PHLPP1: variants seen among roughly 807,000 people sequenced by gnomAD.
PHLPP1 encodes PH domain and leucine rich repeat protein phosphatase 1.
A neutral mutation model predicts 117.2 loss-of-function variants in PHLPP1; 42 were observed. The ratio of observed to expected loss-of-function variants is 0.36; its 90% CI spans 0.28 to 0.46. PHLPP1 has a LOEUF of 0.46. PHLPP1 is among the 20% of genes least tolerant of loss of function. The pLI, the probability that PHLPP1 is intolerant of heterozygous loss-of-function variation, is 1.00. For missense variants in PHLPP1, 2,084 were observed against 2,241.9 expected (o/e 0.93, Z 1.42); for synonymous variants, 1,042 against 970.7 (o/e 1.07, Z -1.37).
intron 1 of PHLPP1, among the ~76,000 whole-genome samples, chr18:62,817,750 A>G (rs1365051811): frequency 6.6e-6 from 1 of 152,314 alleles, no homozygotes; most frequent in African/African-American, 2.4e-5. Flanking sequence ...TATGCTAAGA[A>G]GCATAATTAA....
At chr18:62,945,384 C>A in intron 12 of PHLPP1, 113 bp downstream of exon 12, 1 of 789,958 alleles carries the variant, frequency 1.3e-6, no homozygotes, top group Non-Finnish European at 1.9e-6. Flanking sequence ...AGAATGAAGG[C>A]CCCCATTAGC....
intron 1 of PHLPP1, among the ~76,000 whole-genome samples, chr18:62,786,063 G>A (rs1913274484): frequency 6.6e-6 from 1 of 152,160 alleles, no homozygotes. Context: ...ATAGCCTCTA[G>A]TGTGGTCCCT....
chr18:62,832,965 T>A (rs1382673786), intron 2 of PHLPP1, among the ~76,000 whole-genome samples: 3 of 152,222 alleles, frequency 2.0e-5, no homozygotes. Flanking sequence ...AATAAAACTC[T>A]CAAAATTTAG....
At chr18:62,879,270 CTGCTCTTCT>C (rs1916117400) in intron 4 of PHLPP1, among the ~76,000 whole-genome samples, 1 of 152,222 alleles carries the variant, frequency 6.6e-6, no homozygotes, top group African/African-American at 2.4e-5. Context: ...CTTGCTCTTA[CTGCTCTTCT>C]GCCATGGGAT....
chr18:62,772,960 C>A (rs1463173231), intron 1 of PHLPP1, among the ~76,000 whole-genome samples: 1 of 151,800 alleles, frequency 6.6e-6, no homozygotes, highest in African/African-American at 2.4e-5. Flanking sequence ...CTCTCCCACC[C>A]CCCCAAAAAA....
chr18:62,776,673 G>A (rs940299347), intron 1 of PHLPP1, among the ~76,000 whole-genome samples: 5 of 149,770 alleles, frequency 3.3e-5, no homozygotes, highest in African/African-American at 1.2e-4. Context: ...GCAGTGGTGT[G>A]ATCTCAGCTC....
chr18:62,900,301 T>TA (rs1358226794), intron 6 of PHLPP1, among the ~76,000 whole-genome samples: 26 of 144,754 alleles, frequency 1.8e-4, no homozygotes, highest in Middle Eastern at 7.0e-3. Context: ...TGCCTTAAAA[T>TA]AATAAATAAA....
intron 2 of PHLPP1, among the ~76,000 whole-genome samples, chr18:62,837,134 C>T (rs1308186053): frequency 2.6e-5 from 4 of 152,090 alleles, no homozygotes; most frequent in East Asian, 1.9e-4. Flanking sequence ...ACAAGGTGTG[C>T]GCTGCCACAC....
chr18:62,769,550 A>G (rs149260590), intron 1 of PHLPP1, among the ~76,000 whole-genome samples: 1 of 152,304 alleles, frequency 6.6e-6, no homozygotes, highest in East Asian at 1.9e-4. Context: ...AATGTCACCA[A>G]GATGCTCTGT....
chr18:62,766,384 C>T (rs910580510), intron 1 of PHLPP1, among the ~76,000 whole-genome samples: 12 of 151,718 alleles, frequency 7.9e-5, no homozygotes, highest in Admixed American at 5.3e-4. Context: ...CTTTAGTCTT[C>T]CCTAGGGGAG....
At chr18:62,918,352 A>G (rs1002477180) in intron 9 of PHLPP1, among the ~76,000 whole-genome samples, 7 of 151,322 alleles carry the variant, frequency 4.6e-5, no homozygotes, top group African/African-American at 1.5e-4. Flanking sequence ...TATTCGTCCT[A>G]TAGTTGATCT....
chr18:62,817,363 A>G (rs1456938489), intron 1 of PHLPP1, among the ~76,000 whole-genome samples: 2 of 152,252 alleles, frequency 1.3e-5, no homozygotes, highest in African/African-American at 4.8e-5. Context: ...GCATTTGCAT[A>G]TTAAGGAGAG....
chr18:62,943,166 C>T (rs1034811468), intron 11 of PHLPP1, among the ~76,000 whole-genome samples: 6 of 152,154 alleles, frequency 3.9e-5, no homozygotes, highest in African/African-American at 1.2e-4. Context: ...AATCACCCAC[C>T]CTAAGTGCAG....
At chr18:62,888,692 G>A (rs200669650) in intron 4 of PHLPP1, among the ~76,000 whole-genome samples, 1 of 152,102 alleles carries the variant, frequency 6.6e-6, no homozygotes, top group Non-Finnish European at 1.5e-5. Flanking sequence ...AGTGGACCCT[G>A]TCTCAAAATA....
intron 10 of PHLPP1, among the ~76,000 whole-genome samples, chr18:62,939,286 C>T (rs1910062474): frequency 1.3e-5 from 2 of 152,104 alleles, no homozygotes; most frequent in South Asian, 4.1e-4. Flanking sequence ...AGCCACTGCG[C>T]CCAGCTGAGA....
At chr18:62,853,506 A>G (rs1755341329) in intron 3 of PHLPP1, among the ~76,000 whole-genome samples, 1 of 151,952 alleles carries the variant, frequency 6.6e-6, no homozygotes, top group Non-Finnish European at 1.5e-5. Flanking sequence ...AGTAGCTGGG[A>G]TTACAGGTGC....
Position 62,716,485 on chromosome 18 carries a change from G to T in PHLPP1, c.802G>T (p.Gly268Cys). 1 of 1,218,258 alleles carries T rather than the reference G, an allele frequency of 8.2e-7. No individual in the cohort carries two copies. Among genetic ancestry groups the T allele is most frequent in the Non-Finnish European group, 1.0e-6 (1 of 981,176 alleles). 75.5% of individuals were successfully genotyped at this position (1,218,258 alleles called of 1,614,324 possible). ...REPAEPPPEA[G>C]PRLAPPEPRD... is the part of the protein sequence containing the mutation. ...GCCCGCTGAACCGCCCCCCGAGGCC[G>T]GCCCCCGGCTGGCGCCCCCGGAGCC... The change falls in exon 1 of 17, where the codon GGC (glycine) becomes TGC (cysteine). Residue 268 changes from glycine to cysteine, a missense_variant. By Grantham distance (159) the Gly-to-Cys change is radical. Around this residue, in one of 2 missense-constraint regions of PHLPP1, gnomAD observed 719 missense variants for 636.0 expected, o/e 1.13. Coordinates refer to ENST00000262719, the MANE Select transcript of PHLPP1 (RefSeq NM_194449.4). The surrounding 1 kb of genome is among the most constrained non-coding windows in gnomAD (Gnocchi z 5.7).
At position 62,978,322 on chromosome 18, in the gene PHLPP1, C is replaced by A. The variant is rs752869343; in HGVS notation, c.4045C>A (p.Pro1349Thr). 1.2e-6 allele frequency: 2 copies of A among 1,613,232 alleles called. No homozygotes were observed. The highest frequency in any genetic ancestry group is 1.7e-6 in the Non-Finnish European group (2 of 1,179,452). ...TRILGYTFLH[P>T]SVVPRPHVQS... ...CATCCTGGGCTACACCTTCCTCCATCCCAGTGTGGTGCCTCGCCCCCACGT... is the reference window on the plus strand; with the variant it reads ...CATCCTGGGCTACACCTTCCTCCATACCAGTGTGGTGCCTCGCCCCCACGT... Residue 1349 changes from proline to threonine, a missense_variant, in exon 17 of 17, where the codon CCC becomes ACC. Around this residue, in one of 2 missense-constraint regions of PHLPP1, gnomAD observed 1,365 missense variants for 1,605.9 expected, o/e 0.85. Transcript: ENST00000262719. This position sits in a 1 kb window ranked among gnomAD's most constrained non-coding sequence, Gnocchi z 7.0.
At chr18:62,762,429 T>G (rs1374385901) in intron 1 of PHLPP1, among the ~76,000 whole-genome samples, 3 of 149,106 alleles carry the variant, frequency 2.0e-5, no homozygotes, top group Non-Finnish European at 4.5e-5. Context: ...TTTTTTTTTT[T>G]TTTTGAGAAG....
Sources: allele counts gnomAD v4.1 joint callset (sites outside exome capture counted in the v4.1 genomes callset), GRCh38; gene constraint gnomAD v4.1.1; regional missense constraint gnomAD v4.1.1; non-coding constraint Gnocchi (gnomAD v3.1); transcripts MANE v1.5; gene names NCBI Gene and HGNC (gene_info 2026-07-23, HGNC 2026-07-21).